SLFNL1: variants seen among roughly 807,000 people sequenced by gnomAD.
The protein encoded by SLFNL1 is schlafen-like protein 1.
SLFNL1 carries 26 observed loss-of-function variants against 32.5 expected under a neutral mutation model. The ratio of observed to expected loss-of-function variants is 0.80; its 90% CI spans 0.59 to 1.11. The LOEUF is 1.11. Among genes scored for constraint, SLFNL1 ranks in the 50% least tolerant of loss-of-function variants. The pLI is 0.00. For missense variants in SLFNL1, 553 were observed against 546.5 expected (o/e 1.01, Z -0.12); for synonymous variants, 255 against 242.2 (o/e 1.05, Z -0.49).
intron 3 of SLFNL1, 77 bp downstream of exon 3, chr1:41,020,149 C>G: frequency 6.9e-7 from 1 of 1,441,236 alleles, no homozygotes; most frequent in South Asian, 1.4e-5. Context: ...TCCATCCCCA[C>G]TCTGCAGGCC....
Position 41,018,020 on chromosome 1 carries a change from C to G in SLFNL1, c.572G>C (p.Arg191Pro). ...ACTGTCGGAGCACACGCCGCTGGGCCGGCCCTGGCAGCTCTGCAGCTGCTG... is the reference window on the plus strand; with the variant it reads ...ACTGTCGGAGCACACGCCGCTGGGCGGGCCCTGGCAGCTCTGCAGCTGCTG... ...QAQQLQSCQG[R>P]PSGVCSDSAI... The change falls in exon 4 of 6, where the codon CGG becomes CCG. Residue 191 changes from arginine to proline, a missense_variant. Coordinates refer to ENST00000302946, the MANE Select transcript of SLFNL1 (RefSeq NM_144990.4). 6.2e-7 allele frequency: 1 copy of G among 1,601,162 alleles called. No individual in the cohort carries two copies. The highest frequency in any genetic ancestry group is 8.5e-7 in the Non-Finnish European group (1 of 1,174,722).
rs1241338720 is a variant in SLFNL1 at position 41,020,418 on chromosome 1, C to G, written c.243G>C (p.Glu81Asp). 5 of 1,612,952 alleles carry G rather than the reference C, an allele frequency of 3.1e-6. No homozygotes were observed. Among genetic ancestry groups the G allele is most frequent in the Non-Finnish European group, 4.2e-6 (5 of 1,180,026 alleles). Residue 81 changes from glutamate (E) to aspartate (D), a missense_variant, in exon 3 of 6, where the codon GAG becomes GAC. Transcript: ENST00000302946. ...LERLEMPVAR[E>D]HIEVVRRPRK... The stretch of plus-strand genomic sequence containing the variant: ...GCGGCCGCCTCACCACTTCAATGTG[C>G]TCCCGCGCCACCGGCATCTCCAGCC...
At position 41,018,129 on chromosome 1, in the gene SLFNL1, C is replaced by T. The variant is rs1361607978; in HGVS notation, c.463G>A (p.Gly155Ser). The T allele has an allele frequency of 1.3e-6, 2 of 1,516,386 alleles. No homozygotes were observed. Among genetic ancestry groups the T allele is most frequent in the Non-Finnish European group, 1.8e-6 (2 of 1,125,270 alleles). The allele number at this position is 1,516,386 out of a possible 1,614,324, so 93.9% of individuals were successfully genotyped here. The change falls in exon 4 of 6, where the codon GGC (glycine) becomes AGC (serine). Residue 155 changes from glycine to serine, a missense_variant. Transcript: ENST00000302946. ...CCTGGACTGGGGCCAGGGCTCAGGC[C>T]ACTGTCCTCCTCCTCCTCCTCCTTC... ...EEKEEEEEDS[G>S]LSPGPSPGSG... is the part of the protein sequence containing the mutation.
chr1:41,020,180 C>T, intron 3 of SLFNL1, 46 bp downstream of exon 3: 1 of 1,540,876 alleles, frequency 6.5e-7, no homozygotes, highest in Non-Finnish European at 8.8e-7. Context: ...AGAGGCTCTC[C>T]CTTGGGGTGA....
chr1:41,017,454 A>G lies in SLFNL1; in HGVS notation c.958-77T>C, dbSNP rs1643439360. The G allele has an allele frequency of 2.4e-5, 37 of 1,553,124 alleles. 1 individual carries two copies. In the South Asian group the frequency reaches 4.5e-4, roughly 19 times the overall value. ...CCCCCATCCTGCCAGGCTGCTCAGCATTGCTCACTGATTCCTTAGGGCAGG... is the reference window on the plus strand; with the variant it reads ...CCCCCATCCTGCCAGGCTGCTCAGCGTTGCTCACTGATTCCTTAGGGCAGG... On this transcript the variant is annotated intron_variant, in intron 4 of 5. Transcript: ENST00000302946. The surrounding 1 kb of genome is among the most constrained non-coding windows in gnomAD (Gnocchi z 4.9).
Position 41,020,621 on chromosome 1 carries a change from C to CT in SLFNL1, c.39dup (p.Glu14ArgfsTer9). The CT allele has an allele frequency of 6.2e-7, 1 of 1,613,346 alleles. No homozygotes were observed. The highest frequency in any genetic ancestry group is 8.5e-7 in the Non-Finnish European group (1 of 1,179,970). ...TCACCCCAGGACTCCATGAAGGGCT[C>CT]TGACACCTGTGTTTGCACTGATCTC... is the stretch of plus-strand genomic sequence containing the variant. On this transcript the variant is annotated frameshift_variant, in exon 3 of 6. Transcript: ENST00000302946. LOFTEE classifies it high-confidence loss of function.
In SLFNL1 at chr1:41,020,533, G is replaced by A. The variant is rs773705275; in HGVS notation, c.128C>T (p.Ala43Val). ...SLTEYSDLEE[A>V]PSAHTLYVGH... Reference sequence around the variant, plus strand: ...CACATAGAGAGTGTGCGCCGAGGGAGCCTCCTCGAGGTCAGAGTACTCCGT... The same window carrying A: ...CACATAGAGAGTGTGCGCCGAGGGAACCTCCTCGAGGTCAGAGTACTCCGT... The change falls in exon 3 of 6, where the codon GCT (alanine) becomes GTT (valine). Residue 43 changes from alanine (A) to valine (V), a missense_variant. Coordinates refer to ENST00000302946, the MANE Select transcript of SLFNL1 (RefSeq NM_144990.4). 1.9e-5 allele frequency: 30 copies of A among 1,613,432 alleles called. No homozygotes were observed. The highest frequency in any genetic ancestry group is 2.4e-5 in the Non-Finnish European group (28 of 1,180,032).
At chr1:41,018,395 T>G in intron 3 of SLFNL1, 1 of 436,116 alleles carries the variant, frequency 2.3e-6, no homozygotes, top group Non-Finnish European at 4.0e-6. Context: ...AGCTGGGCCC[T>G]TCCCAGGTGA....
At chr1:41,016,474 G>C (rs943112591) in intron 5 of SLFNL1, 1 of 525,856 alleles carries the variant, frequency 1.9e-6, no homozygotes, top group Admixed American at 3.5e-5. Context: ...CCTCCTCACT[G>C]TTGGTCCCTT....
In SLFNL1 at chr1:41,020,625, C is replaced by T. The variant is rs919249613; in HGVS notation, c.36G>A (p.Val12=). ...CCCAGGACTCCATGAAGGGCTCTGA[C>T]ACCTGTGTTTGCACTGATCTCTTCA... ...TPMKRSVQTQ[V]SEPFMESWGE... Residue 12 remains valine, a synonymous_variant, in exon 3 of 6, where the codon GTG becomes GTA. Coordinates refer to ENST00000302946, the MANE Select transcript of SLFNL1 (RefSeq NM_144990.4). 1.2e-6 allele frequency: 2 copies of T among 1,613,216 alleles called. No individual in the cohort carries two copies. Among genetic ancestry groups the T allele is most frequent in the African/African-American group, 1.3e-5 (1 of 74,932 alleles).
At chr1:41,020,128 A>T in intron 3 of SLFNL1, 98 bp downstream of exon 3, 1 of 1,289,074 alleles carries the variant, frequency 7.8e-7, no homozygotes, top group Non-Finnish European at 1.1e-6. Flanking sequence ...CTGCTTCCCC[A>T]GAGACACCCC....
rs1325950472 is a variant in SLFNL1 at position 41,020,871 on chromosome 1, C to T, written c.-125-1G>A. On this transcript the variant is annotated splice_acceptor_variant, in intron 1 of 5. Coordinates refer to ENST00000302946, the MANE Select transcript of SLFNL1 (RefSeq NM_144990.4). LOFTEE classifies it low-confidence loss of function (5UTR_SPLICE). The stretch of plus-strand genomic sequence containing the variant: ...AAAGGGCCTGCCACCCACCTGAGGC[C>T]TAGGATGAGAAAGCAGAGTCACGTG... 1 of 585,900 alleles carries T rather than the reference C, an allele frequency of 1.7e-6. No individual in the cohort carries two copies. The highest frequency in any genetic ancestry group is 1.9e-5 in the African/African-American group (1 of 53,786). The allele number at this position is 585,900 out of a possible 1,614,324, so 36.3% of individuals were successfully genotyped here. A position where few individuals can be genotyped will look rare whatever the true frequency, so the allele number is the denominator to read the frequency against.
At position 41,017,536 on chromosome 1, in the gene SLFNL1, C is replaced by T. The variant is rs1571011033; in HGVS notation, c.957+99G>A. Reference sequence around the variant, plus strand: ...CCTCTTCTCCTGTGGCCCCCAGTCCCGTCCCTGCCCCAGCACTGCCTGGCA... The same window carrying T: ...CCTCTTCTCCTGTGGCCCCCAGTCCTGTCCCTGCCCCAGCACTGCCTGGCA... On this transcript the variant is annotated intron_variant, in intron 4 of 5. Transcript: ENST00000302946. The surrounding 1 kb of genome is among the most constrained non-coding windows in gnomAD (Gnocchi z 4.9). 20 of 1,493,296 alleles carry T rather than the reference C, an allele frequency of 1.3e-5. No homozygotes were observed. In the East Asian group the frequency reaches 1.8e-4, roughly 14 times the overall value. 92.5% of individuals were successfully genotyped at this position (1,493,296 alleles called of 1,614,324 possible).
At position 41,017,314 on chromosome 1, in the gene SLFNL1, G is replaced by C. The variant is rs1440191775; in HGVS notation, c.1021C>G (p.Gln341Glu). ...TCGCGCCGCAGAAACACCTCCCCCT[G>C]GTCTGTCTGGTAGAGTTGCGGCTGG... ...QSQPQLYQTD[Q>E]GEVFLRRDGS... is the part of the protein sequence containing the mutation. Residue 341 changes from glutamine to glutamate, a missense_variant, in exon 5 of 6, where the codon CAG (glutamine) becomes GAG (glutamate). Transcript: ENST00000302946. This position sits in a 1 kb window ranked among gnomAD's most constrained non-coding sequence, Gnocchi z 4.9. 1 of 1,613,778 alleles carries C rather than the reference G, an allele frequency of 6.2e-7. No homozygotes were observed. Among genetic ancestry groups the C allele is most frequent in the Admixed American group, 1.7e-5 (1 of 60,014 alleles).
Position 41,017,760 on chromosome 1 carries a change from C to T in SLFNL1, c.832G>A (p.Glu278Lys), listed in dbSNP as rs776695336. The change falls in exon 4 of 6, where the codon GAG (glutamate) becomes AAG (lysine). Residue 278 changes from glutamate to lysine, a missense_variant. Transcript: ENST00000302946. The surrounding 1 kb of genome is among the most constrained non-coding windows in gnomAD (Gnocchi z 4.9). ...VQGIRCSHRD[E>K]DRARLLVDSI... ...TCCACCAGCAGGCGTGCGCGGTCCT[C>T]GTCACGGTGGCTGCAGCGGATGCCC... 11 of 1,607,938 alleles carry T rather than the reference C, an allele frequency of 6.8e-6. No homozygotes were observed. Among genetic ancestry groups the T allele is most frequent in the East Asian group, 2.2e-5 (1 of 44,742 alleles).
chr1:41,019,502 ACTTC>A (rs1643654522), intron 3 of SLFNL1, among the ~76,000 whole-genome samples: 1 of 151,972 alleles, frequency 6.6e-6, no homozygotes, highest in Admixed American at 6.5e-5. Flanking sequence ...TTCTGGCCCA[ACTTC>A]CTTCCTTAGC....
At position 41,021,040 on chromosome 1, in the gene SLFNL1, C is replaced by T. The variant is rs528289462; in HGVS notation, c.-125-170G>A. 6 of 209,420 alleles carry T rather than the reference C, an allele frequency of 2.9e-5. No homozygotes were observed. The East Asian group carries it at 6.1e-4, about 21-fold the overall frequency. 13.0% of individuals were successfully genotyped at this position (209,420 alleles called of 1,614,324 possible). On this transcript the variant is annotated intron_variant, in intron 1 of 5. Transcript: ENST00000302946. ...CCCTCCCCAACCCACAGGCTAGGGG[C>T]CTCCTAGGTACCCTCAGGGTTTCCT...
intron 3 of SLFNL1, among the ~76,000 whole-genome samples, chr1:41,018,828 GTT>G (rs34061852): frequency 1.3e-4 from 8 of 60,644 alleles, no homozygotes; most frequent in Non-Finnish European, 1.7e-4. Flanking sequence ...CAACCCTCCT[GTT>G]TTTTTTTTTT....
Position 41,017,228 on chromosome 1 carries a change from C to T in SLFNL1, c.1101+6G>A, listed in dbSNP as rs1643412932. On this transcript the variant is annotated splice_donor_region_variant and intron_variant, in intron 5 of 5. Coordinates refer to ENST00000302946, the MANE Select transcript of SLFNL1 (RefSeq NM_144990.4). The surrounding 1 kb of genome is among the most constrained non-coding windows in gnomAD (Gnocchi z 4.9). ...CCACCCCACCCACTGGCCTCAGCTT[C>T]CGTACCTGCCTGCACCACTCCTGGA... 1 of 1,557,372 alleles carries T rather than the reference C, an allele frequency of 6.4e-7. No homozygotes were observed. Among genetic ancestry groups the T allele is most frequent in the Non-Finnish European group, 8.7e-7 (1 of 1,154,586 alleles).
Sources: allele counts gnomAD v4.1 joint callset (sites outside exome capture counted in the v4.1 genomes callset), GRCh38; gene constraint gnomAD v4.1.1; non-coding constraint Gnocchi (gnomAD v3.1); transcripts MANE v1.5; gene names NCBI Gene and HGNC (gene_info 2026-07-23, HGNC 2026-07-21).